PACRG: variants seen among roughly 807,000 people sequenced by gnomAD.
PACRG encodes the protein parkin coregulated.
In PACRG, 29 loss-of-function variants were observed where a neutral mutation model predicts 29.7. The observed-to-expected ratio is 0.98, with a 90% CI of 0.73 to 1.33. The LOEUF (loss-of-function observed/expected upper bound fraction) is 1.33, where lower values mean the gene tolerates loss of function less well. Among genes scored for constraint, PACRG ranks in the 40% most tolerant of loss-of-function variants. The pLI is 0.00. For synonymous variants in PACRG, 116 were observed against 118.7 expected (o/e 0.98, Z 0.15); for missense variants, 279 against 316.2 (o/e 0.88, Z 0.89).
chr6:163,280,283 A>G (rs1784185295), intron 4 of PACRG, among the ~76,000 whole-genome samples: 1 of 151,812 alleles, frequency 6.6e-6, no homozygotes, highest in Admixed American at 6.6e-5. Flanking sequence ...CCTGCTCTGC[A>G]CCCCCATGCT....
chr6:163,211,157 G>A (rs912953346), intron 4 of PACRG, among the ~76,000 whole-genome samples: 1 of 151,966 alleles, frequency 6.6e-6, no homozygotes, highest in African/African-American at 2.4e-5. Flanking sequence ...AACACTTAAA[G>A]CTGACCTTTT....
At chr6:162,974,984 A>G (rs1196704720) in intron 2 of PACRG, among the ~76,000 whole-genome samples, 2 of 152,206 alleles carry the variant, frequency 1.3e-5, no homozygotes, top group East Asian at 3.9e-4. Context: ...ACAGTACTCA[A>G]GATCTGACTG....
At chr6:163,127,273 A>G (rs1816555247) in intron 4 of PACRG, among the ~76,000 whole-genome samples, 1 of 152,266 alleles carries the variant, frequency 6.6e-6, no homozygotes, top group African/African-American at 2.4e-5. Flanking sequence ...GTATTGTTTC[A>G]ATTATGACAT....
intron 2 of PACRG, among the ~76,000 whole-genome samples, chr6:162,923,837 G>A (rs148534362): frequency 6.6e-6 from 1 of 151,682 alleles, no homozygotes; most frequent in Admixed American, 6.6e-5. Flanking sequence ...CTTTTGTTTT[G>A]CTCAGGATTA....
intron 1 of PACRG, among the ~76,000 whole-genome samples, chr6:162,787,432 C>T (rs2128320788): frequency 6.6e-6 from 1 of 150,614 alleles, no homozygotes; most frequent in Non-Finnish European, 1.5e-5. Context: ...TATATATATA[C>T]ACACACATAT....
chr6:163,298,064 A>G (rs764229007), intron 4 of PACRG, among the ~76,000 whole-genome samples: 3 of 152,284 alleles, frequency 2.0e-5, no homozygotes, highest in Non-Finnish European at 4.4e-5. Flanking sequence ...GCTCTCTGAA[A>G]TAGTGCTTAT....
intron 4 of PACRG, among the ~76,000 whole-genome samples, chr6:163,275,284 C>A (rs1783986010): frequency 6.6e-6 from 1 of 152,138 alleles, no homozygotes; most frequent in African/African-American, 2.4e-5. Context: ...TTTCTCCCTT[C>A]TTCCTCTTAT....
At chr6:162,875,016 T>C (rs1432911616) in intron 2 of PACRG, among the ~76,000 whole-genome samples, 1 of 151,946 alleles carries the variant, frequency 6.6e-6, no homozygotes, top group Non-Finnish European at 1.5e-5. Context: ...CACATGTATG[T>C]ATTCACACAT....
At chr6:162,895,098 C>A (rs1258908409) in intron 2 of PACRG, among the ~76,000 whole-genome samples, 1 of 141,304 alleles carries the variant, frequency 7.1e-6, no homozygotes, top group African/African-American at 2.6e-5. Context: ...CCCGTCTCTA[C>A]CCCCCCGCCC....
intron 1 of PACRG, among the ~76,000 whole-genome samples, chr6:162,735,843 T>C (rs764717883): frequency 9.9e-5 from 15 of 152,166 alleles, no homozygotes; most frequent in East Asian, 1.9e-4. Context: ...GAAATACATA[T>C]ACATTAAGAC....
intron 1 of PACRG, among the ~76,000 whole-genome samples, chr6:162,755,833 A>G (rs1045359812): frequency 4.6e-5 from 7 of 150,888 alleles, no homozygotes; most frequent in Admixed American, 2.6e-4. Flanking sequence ...TTGTATTTCC[A>G]TTTGCATTTG....
At chr6:162,821,440 T>C (rs1392813786) in intron 2 of PACRG, among the ~76,000 whole-genome samples, 1 of 152,160 alleles carries the variant, frequency 6.6e-6, no homozygotes, top group African/African-American at 2.4e-5. Context: ...ACAAGAAATG[T>C]TGTAAGTTTC....
intron 4 of PACRG, among the ~76,000 whole-genome samples, chr6:163,279,290 G>A (rs1454390226): frequency 6.6e-6 from 1 of 152,174 alleles, no homozygotes; most frequent in African/African-American, 2.4e-5. Flanking sequence ...AACAGCAACA[G>A]TTTGATTTCC....
At chr6:162,910,635 A>T (rs952102203) in intron 2 of PACRG, among the ~76,000 whole-genome samples, 1 of 152,200 alleles carries the variant, frequency 6.6e-6, no homozygotes, top group African/African-American at 2.4e-5. Context: ...ACAAAACAAG[A>T]TACATTCAAA....
At chr6:162,775,646 A>G (rs1317668538) in intron 1 of PACRG, among the ~76,000 whole-genome samples, 1 of 152,098 alleles carries the variant, frequency 6.6e-6, no homozygotes, top group Non-Finnish European at 1.5e-5. Flanking sequence ...TGCACATCCA[A>G]TTTTGATATG....
intron 2 of PACRG, among the ~76,000 whole-genome samples, chr6:162,970,535 CT>C (rs1170222689): frequency 6.6e-6 from 1 of 152,160 alleles, no homozygotes; most frequent in African/African-American, 2.4e-5. Context: ...TTCCCAGCCT[CT>C]CTTCCCCCAC....
intron 1 of PACRG, among the ~76,000 whole-genome samples, chr6:162,808,019 A>C (rs1460881684): frequency 6.6e-6 from 1 of 152,208 alleles, no homozygotes; most frequent in Non-Finnish European, 1.5e-5. Flanking sequence ...GCTATCATTG[A>C]GACACCTATC....
At chr6:162,813,465 T>G (rs931692465) in intron 1 of PACRG, among the ~76,000 whole-genome samples, 2 of 152,054 alleles carry the variant, frequency 1.3e-5, no homozygotes, top group East Asian at 1.9e-4. Flanking sequence ...TGTAAATAAC[T>G]CTATAGGGAA....
At chr6:163,122,408 G>C (rs1397132611) in intron 4 of PACRG, among the ~76,000 whole-genome samples, 1 of 152,138 alleles carries the variant, frequency 6.6e-6, no homozygotes. Flanking sequence ...ACTGTTAGAG[G>C]TGGAGCCTAC....
Sources: allele counts gnomAD v4.1 joint callset (sites outside exome capture counted in the v4.1 genomes callset), GRCh38; gene constraint gnomAD v4.1.1; transcripts MANE v1.5; gene names NCBI Gene and HGNC (gene_info 2026-07-23, HGNC 2026-07-21).